The following DCTN1 variants were observed in gnomAD, a reference collection of about 807,000 sequenced individuals.
DCTN1 encodes 150 kDa dynein-associated polypeptide.
In DCTN1, 61 loss-of-function variants were observed where a neutral mutation model predicts 161.2. The observed-to-expected ratio is 0.38, with a 90% CI of 0.31 to 0.47. DCTN1 has a LOEUF of 0.47. Ranked by LOEUF, DCTN1 falls within the 20% of genes least tolerant of loss-of-function variation. The pLI, the probability that DCTN1 is intolerant of heterozygous loss-of-function variation, is 0.99. For synonymous variants in DCTN1, 653 were observed against 632.4 expected (o/e 1.03, Z -0.49); for missense variants, 1,404 against 1,623.7 (o/e 0.86, Z 2.33).
chr2:74,377,087 T>C (rs1221554271), intron 4 of DCTN1, among the ~76,000 whole-genome samples: 1 of 152,216 alleles, frequency 6.6e-6, no homozygotes, highest in Non-Finnish European at 1.5e-5. Context: ...CTCTATCTTC[T>C]ACCTTAACCT....
chr2:74,361,201 A>T lies in DCTN1; in HGVS notation c.*298T>A, dbSNP rs1157802289. ...AATCAAGGGGTGAAGTCCTCAATCA[A>T]GGGGACCTCACTTAACCTTTGGTGG... is the stretch of plus-strand genomic sequence containing the variant. On this transcript the variant is annotated 3_prime_UTR_variant, in exon 32 of 32. Coordinates refer to ENST00000628224, the MANE Select transcript of DCTN1 (RefSeq NM_004082.5). 1 of 539,280 alleles carries T rather than the reference A, an allele frequency of 1.9e-6. No individual in the cohort carries two copies. The highest frequency in any genetic ancestry group is 2.3e-5 in the Admixed American group (1 of 43,902). The allele number at this position is 539,280 out of a possible 1,614,324, so 33.4% of individuals were successfully genotyped here.
At chr2:74,375,628 C>T (rs1404037522) in intron 5 of DCTN1, among the ~76,000 whole-genome samples, 1 of 152,168 alleles carries the variant, frequency 6.6e-6, no homozygotes, top group Non-Finnish European at 1.5e-5. Flanking sequence ...TCATGCTCTT[C>T]TCTATTCAAG....
intron 2 of DCTN1, 125 bp downstream of exon 2, chr2:74,377,875 C>T (rs1675315244): frequency 6.7e-7 from 1 of 1,493,556 alleles, no homozygotes; most frequent in Admixed American, 1.8e-5. Context: ...CCCTCCCCCA[C>T]TACCTTCCAC....
At chr2:74,371,256 G>A (rs746254994) in intron 8 of DCTN1, 80 bp from the exon 9 acceptor site, 5 of 1,606,008 alleles carry the variant, frequency 3.1e-6, no homozygotes, top group Non-Finnish European at 4.2e-6. Flanking sequence ...AAGAACACAA[G>A]AAAGTGTGCA....
At chr2:74,376,856 T>C in intron 4 of DCTN1, 94 bp from the exon 5 acceptor site, 1 of 1,146,710 alleles carries the variant, frequency 8.7e-7, no homozygotes, top group Non-Finnish European at 1.3e-6. Flanking sequence ...TAGACGCGGG[T>C]AGGGGGGAGT....
chr2:74,381,969 C>T (rs908896916), upstream of DCTN1, among the ~76,000 whole-genome samples: 8 of 152,210 alleles, frequency 5.3e-5, no homozygotes, highest in Non-Finnish European at 2.9e-5. Flanking sequence ...GCAACTGAGT[C>T]TTTGAGAACT....
chr2:74,363,799 G>C, intron 26 of DCTN1, 171 bp from the exon 27 acceptor site: 1 of 857,050 alleles, frequency 1.2e-6, no homozygotes, highest in Non-Finnish European at 1.9e-6. Flanking sequence ...CTTTGGGGAC[G>C]AGCAGATAAG....
intron 1 of DCTN1, among the ~76,000 whole-genome samples, chr2:74,389,317 C>T (rs1034968780): frequency 1.3e-5 from 2 of 152,188 alleles, no homozygotes; most frequent in African/African-American, 4.8e-5. Flanking sequence ...CCAGCTCTTA[C>T]ATCTTCAGGG....
In DCTN1 at chr2:74,365,712, A is replaced by C. The variant is rs375801508; in HGVS notation, c.2887-55T>G. ...GACATCCTCCCCACAGTCCCTGGAA[A>C]CTGGGGGCTAGACCATGAGATAGTA... On this transcript the variant is annotated intron_variant, in intron 24 of 31. Transcript: ENST00000628224. 8.2e-4 allele frequency: 1,322 copies of C among 1,613,540 alleles called. 17 individuals are homozygous for C. The South Asian group carries it at 0.01, about 12-fold the overall frequency.
intron 1 of DCTN1, among the ~76,000 whole-genome samples, chr2:74,388,804 C>T (rs1165331571): frequency 2.0e-5 from 3 of 152,206 alleles, no homozygotes; most frequent in African/African-American, 7.2e-5. Context: ...ACCAACATCA[C>T]ACTCAGGATA....
chr2:74,380,145 G>A lies in DCTN1; in HGVS notation c.-108C>T. The A allele has an allele frequency of 8.3e-7, 1 of 1,211,862 alleles. No individual in the cohort carries two copies. Among genetic ancestry groups the A allele is most frequent in the Non-Finnish European group, 1.2e-6 (1 of 829,296 alleles). The allele number at this position is 1,211,862 out of a possible 1,614,324, so 75.1% of individuals were successfully genotyped here. On this transcript the variant is annotated 5_prime_UTR_variant, in exon 1 of 32. Transcript: ENST00000628224. ...CGCTGGGCCCTCATAGAGGGACACA[G>A]GAGTCGTCAGGCACAGCCCTCCCCA...
At position 74,362,182 on chromosome 2, in the gene DCTN1, C is replaced by G. The variant is rs72659385; in HGVS notation, c.3610-41G>C. On this transcript the variant is annotated intron_variant, in intron 30 of 31. Transcript: ENST00000628224. ...GGAAGACAAGGGTTCATTTATGGGA[C>G]CCCCACAGGCTAGCACAAGACCACG... 3.7e-4 allele frequency: 578 copies of G among 1,582,888 alleles called. 3 individuals carry two copies. In the African/African-American group the frequency reaches 6.5e-3, roughly 18 times the overall value.
chr2:74,378,574 G>C (rs566394418), intron 1 of DCTN1, among the ~76,000 whole-genome samples: 34 of 152,264 alleles, frequency 2.2e-4, no homozygotes, highest in Admixed American at 3.3e-4. Flanking sequence ...CTTCTCAGGA[G>C]GGGAAATAAG....
chr2:74,384,693 C>T (rs1675654024), upstream of DCTN1, among the ~76,000 whole-genome samples: 1 of 152,184 alleles, frequency 6.6e-6, no homozygotes, highest in Non-Finnish European at 1.5e-5. Flanking sequence ...ACCATTTCTA[C>T]CTTGTTTTTA....
chr2:74,373,588 A>G (rs2103687601), intron 6 of DCTN1, among the ~76,000 whole-genome samples: 1 of 152,332 alleles, frequency 6.6e-6, no homozygotes, highest in South Asian at 2.1e-4. Context: ...TTGCATTAGC[A>G]GAAGCCCAGA....
At chr2:74,367,620 GAATATATTAGT>G in intron 18 of DCTN1, 65 bp downstream of exon 18, 1 of 1,602,690 alleles carries the variant, frequency 6.2e-7, no homozygotes, top group Admixed American at 1.7e-5. Context: ...ATACAACCTT[GAATATATTAGT>G]AAGAGCCCCC....
At chr2:74,377,625 A>C in intron 3 of DCTN1, 23 bp downstream of exon 3, 1 of 1,609,234 alleles carries the variant, frequency 6.2e-7, no homozygotes, top group Non-Finnish European at 8.5e-7. Context: ...ATGGGGAGGC[A>C]ACTTTAAGTG....
intron 26 of DCTN1, 101 bp downstream of exon 26, chr2:74,364,974 A>T: frequency 6.9e-7 from 1 of 1,444,380 alleles, no homozygotes; most frequent in South Asian, 1.1e-5. Flanking sequence ...CTGGCTGAAT[A>T]CCCGGGGGTA....
Position 74,371,663 on chromosome 2 carries a change from C to T in DCTN1, c.519G>A (p.Ala173=), listed in dbSNP as rs376565787. 2.4e-5 allele frequency: 39 copies of T among 1,600,150 alleles called. No homozygotes were observed. The highest frequency in any genetic ancestry group is 1.8e-4 in the Middle Eastern group (1 of 5,616). The change falls in exon 8 of 32, where the codon GCG becomes GCA. Residue 173 remains alanine, a synonymous_variant. Transcript: ENST00000628224. ...CACTGCTGCTCAGCTCACCTGCTGA[C>T]GCTGAGCCAGAGGGGCCCAGGGAGC... is the stretch of plus-strand genomic sequence containing the variant. ...ASSSLGPSGS[A]SAGELSSSEP...
Sources: gnomAD v4.1 joint callset for allele counts (sites outside exome capture counted in the v4.1 genomes callset) on GRCh38, gnomAD v4.1.1 for gene constraint, MANE v1.5 for transcripts, NCBI Gene and HGNC (gene_info 2026-07-23, HGNC 2026-07-21) for gene names.